ZNF469: variants seen among roughly 807,000 people sequenced by gnomAD.
ZNF469 encodes zinc finger protein 469.
In ZNF469, 1 loss-of-function variant was observed where a neutral mutation model predicts 1.0. The ratio of observed to expected loss-of-function variants is 1.00; its 90% CI spans 0.35 to 4.73. ZNF469 has a LOEUF of 4.73. Among genes scored for constraint, ZNF469 ranks in the 30% most tolerant of loss-of-function variants. ZNF469 has a pLI of 0.16. For missense variants in ZNF469, 6,100 were observed against 5,356.3 expected, an observed-to-expected ratio of 1.14 and a Z score of -4.33; for synonymous variants, 2,703 against 2,363.4, an observed-to-expected ratio of 1.14 and a Z score of -4.17.
chr16:88,231,893 C>A, the ZNF469 span, among the ~76,000 whole-genome samples: 1 of 152,326 alleles, frequency 6.6e-6, no homozygotes, highest in African/African-American at 2.4e-5. The surrounding 1 kb of genome is among the most constrained non-coding windows in gnomAD (Gnocchi z 4.5). Flanking sequence ...CATTATTGAG[C>A]CAATAACAGT....
At chr16:88,348,622 G>A in the ZNF469 span, among the ~76,000 whole-genome samples, 10 of 152,204 alleles carry the variant, frequency 6.6e-5, no homozygotes, top group East Asian at 1.9e-3. Flanking sequence ...TCAAACAGGT[G>A]AGGGACAGCA....
the ZNF469 span, among the ~76,000 whole-genome samples, chr16:88,120,453 C>G: frequency 6.6e-6 from 1 of 152,246 alleles, no homozygotes; most frequent in Non-Finnish European, 1.5e-5. Context: ...GCGGAGATGG[C>G]GCGCCCCACC....
At chr16:88,381,336 GCA>G (rs1233912931), upstream of ZNF469, among the ~76,000 whole-genome samples, 4 of 129,952 alleles carry the variant, frequency 3.1e-5, no homozygotes, top group South Asian at 2.8e-4. Context: ...ACATGCACTC[GCA>G]CACAGACACA....
the ZNF469 span, among the ~76,000 whole-genome samples, chr16:88,158,287 G>C: frequency 1.3e-5 from 2 of 151,996 alleles, no homozygotes; most frequent in African/African-American, 2.4e-5. Context: ...GGGGGCAGCT[G>C]TAACAAAGCC....
intron 1 of ZNF469, among the ~76,000 whole-genome samples, chr16:88,387,362 C>T (rs931588468): frequency 2.0e-5 from 3 of 152,136 alleles, no homozygotes; most frequent in Non-Finnish European, 4.4e-5. Flanking sequence ...GGCTTCAGGG[C>T]GGGGTGGGAG....
chr16:88,286,452 C>A, the ZNF469 span, among the ~76,000 whole-genome samples: 1 of 152,242 alleles, frequency 6.6e-6, no homozygotes, highest in Non-Finnish European at 1.5e-5. Flanking sequence ...CATCTGAACG[C>A]CGGGTATTTA....
At chr16:88,326,528 A>G in the ZNF469 span, among the ~76,000 whole-genome samples, 1 of 152,122 alleles carries the variant, frequency 6.6e-6, no homozygotes, top group Admixed American at 6.5e-5. Context: ...GACATCCAGA[A>G]CCACTTTATT....
At chr16:88,305,227 T>C in the ZNF469 span, among the ~76,000 whole-genome samples, 5 of 151,064 alleles carry the variant, frequency 3.3e-5, no homozygotes, top group African/African-American at 1.2e-4. Flanking sequence ...CTCACACACA[T>C]GCACACACAC....
chr16:88,393,255 G>A (rs1421869943), intron 1 of ZNF469, among the ~76,000 whole-genome samples: 2 of 152,256 alleles, frequency 1.3e-5, no homozygotes, highest in Non-Finnish European at 1.5e-5. Flanking sequence ...CCGGCCAAGC[G>A]GTCACTCCCG....
the ZNF469 span, among the ~76,000 whole-genome samples, chr16:88,157,485 C>T: frequency 1.3e-5 from 2 of 152,242 alleles, no homozygotes; most frequent in Admixed American, 1.3e-4. Flanking sequence ...CACTGTGGCT[C>T]AGAGGGCAGC....
chr16:88,212,792 C>T, the ZNF469 span, among the ~76,000 whole-genome samples: 44 of 152,294 alleles, frequency 2.9e-4, no homozygotes, highest in African/African-American at 1.1e-3. Context: ...CCATGTGGCC[C>T]AGGCTGGTTT....
the ZNF469 span, among the ~76,000 whole-genome samples, chr16:88,345,901 G>C: frequency 1.7e-3 from 253 of 152,292 alleles, no homozygotes; most frequent in Non-Finnish European, 2.5e-3. Flanking sequence ...GAAGGATCTA[G>C]ACCTGCTCCC....
chr16:88,383,463 G>A (rs1436244641), intron 1 of ZNF469, among the ~76,000 whole-genome samples: 1 of 148,724 alleles, frequency 6.7e-6, no homozygotes, highest in African/African-American at 2.4e-5. Flanking sequence ...GGGCCCGGAC[G>A]TGCGGGGCAG....
chr16:88,217,303 G>A, the ZNF469 span, among the ~76,000 whole-genome samples: 1 of 152,156 alleles, frequency 6.6e-6, no homozygotes, highest in Non-Finnish European at 1.5e-5. Flanking sequence ...TGGGGCTGCA[G>A]CCTGGCAAAC....
the ZNF469 span, among the ~76,000 whole-genome samples, chr16:88,136,896 G>A: frequency 6.6e-6 from 1 of 152,238 alleles, no homozygotes; most frequent in East Asian, 1.9e-4. Flanking sequence ...TGGGAGGGGA[G>A]GATGCAAAGA....
the ZNF469 span, among the ~76,000 whole-genome samples, chr16:88,377,333 TG>T: frequency 6.6e-6 from 1 of 152,200 alleles, no homozygotes; most frequent in African/African-American, 2.4e-5. Context: ...TGCCGACCCA[TG>T]GGCCCGGTGG....
rs373162171 is a variant in ZNF469, at chr16:88,431,949, G to A, written c.4479G>A (p.Pro1493=). 1.8e-4 allele frequency: 282 copies of A among 1,549,236 alleles called. No homozygotes were observed. The African/African-American group carries it at 2.8e-3, about 15-fold the overall frequency. Residue 1493 remains proline, a synonymous_variant, in exon 3 of 3, where the codon CCG becomes CCA. Transcript: ENST00000565624. ...CCGACCCTCCCCAGAAGACGGTGCC[G>A]TCAGATCCACCGTACCCCTCTTTTT... ...ACADPPQKTV[P]SDPPYPSFLL...
chr16:88,128,952 C>T, the ZNF469 span, among the ~76,000 whole-genome samples: 1 of 152,234 alleles, frequency 6.6e-6, no homozygotes, highest in Admixed American at 6.5e-5. Flanking sequence ...TGGAGAGAAC[C>T]TTCGATGACT....
chr16:88,331,222 C>CCACCACCAT, the ZNF469 span, among the ~76,000 whole-genome samples: 36 of 149,056 alleles, frequency 2.4e-4, 2 homozygotes, highest in East Asian at 7.0e-3. Context: ...ACCGTCACCA[C>CCACCACCAT]CACCACCATC....
Sources: gnomAD v4.1 joint callset for allele counts (sites outside exome capture counted in the v4.1 genomes callset) on GRCh38, gnomAD v4.1.1 for gene constraint, Gnocchi (gnomAD v3.1) non-coding constraint, MANE v1.5 for transcripts, NCBI Gene and HGNC (gene_info 2026-07-23, HGNC 2026-07-21) for gene names.